Variants in INSYN2B observed in about 807,000 individuals in gnomAD.
The protein encoded by INSYN2B is protein INSYN2B.
In INSYN2B, 16 loss-of-function variants were observed where a neutral mutation model predicts 41.2. The ratio of observed to expected loss-of-function variants is 0.39; its 90% CI spans 0.26 to 0.59. The LOEUF (loss-of-function observed/expected upper bound fraction) is 0.59, where lower values mean the gene tolerates loss of function less well. Ranked by LOEUF, INSYN2B falls within the 20% of genes least tolerant of loss-of-function variation. INSYN2B has a pLI of 0.57. For missense variants in INSYN2B, 608 were observed against 646.4 expected, an observed-to-expected ratio of 0.94 and a Z score of 0.64; for synonymous variants, 245 against 244.4, an observed-to-expected ratio of 1.00 and a Z score of -0.02.
chr5:169,956,366 G>T (rs1776866568), intron 1 of INSYN2B, among the ~76,000 whole-genome samples: 1 of 152,208 alleles, frequency 6.6e-6, no homozygotes. Flanking sequence ...TAACTTAAGA[G>T]GCTGCTCCTG....
At chr5:169,911,100 T>G (rs1031925233) in intron 1 of INSYN2B, among the ~76,000 whole-genome samples, 1 of 152,202 alleles carries the variant, frequency 6.6e-6, no homozygotes, top group African/African-American at 2.4e-5. Flanking sequence ...GTGACATCAG[T>G]TCTTTTCTAG....
intron 3 of INSYN2B, among the ~76,000 whole-genome samples, chr5:169,871,957 A>G (rs1040402486): frequency 4.6e-5 from 7 of 152,220 alleles, no homozygotes; most frequent in Non-Finnish European, 8.8e-5. Context: ...TGGGTCTGGT[A>G]TAGCCTGCTG....
rs1317339055 is a variant in INSYN2B at position 169,862,650 on chromosome 5, A to T, written c.*1623T>A. 1.3e-5 allele frequency among the ~76,000 whole-genome samples: 2 copies of T among 152,264 alleles called. No individual in the cohort carries two copies. The highest frequency in any genetic ancestry group is 2.9e-5 in the Non-Finnish European group (2 of 68,048). ...TCTGTGGGCTTAAACATTACACTAG[A>T]AACAGAACAAGAACATCTTGAATGA... On this transcript the variant is annotated 3_prime_UTR_variant, in exon 4 of 4. Transcript: ENST00000377365.
chr5:169,901,401 T>G (rs1436569402), intron 1 of INSYN2B, among the ~76,000 whole-genome samples: 2 of 152,084 alleles, frequency 1.3e-5, no homozygotes, highest in African/African-American at 4.8e-5. Flanking sequence ...CAGAATGACT[T>G]CAAGAGGTTT....
chr5:169,956,243 A>C (rs527394775), intron 1 of INSYN2B, among the ~76,000 whole-genome samples: 1 of 152,220 alleles, frequency 6.6e-6, no homozygotes, highest in Admixed American at 6.5e-5. Flanking sequence ...CAAATTTCAG[A>C]TGCTTCTTTA....
intron 3 of INSYN2B, among the ~76,000 whole-genome samples, chr5:169,869,147 C>G (rs1373048494): frequency 6.6e-6 from 1 of 152,228 alleles, no homozygotes; most frequent in Admixed American, 6.5e-5. Flanking sequence ...CTCAGCTCCT[C>G]GCATCAACCT....
chr5:169,903,823 G>A (rs1260595793), intron 1 of INSYN2B, among the ~76,000 whole-genome samples: 1 of 151,992 alleles, frequency 6.6e-6, no homozygotes, highest in Non-Finnish European at 1.5e-5. Flanking sequence ...GGAGAAACTG[G>A]GCGGAGTGGC....
At chr5:169,971,888 C>T (rs1419000454) in intron 1 of INSYN2B, among the ~76,000 whole-genome samples, 1 of 152,178 alleles carries the variant, frequency 6.6e-6, no homozygotes, top group Non-Finnish European at 1.5e-5. Flanking sequence ...TTCATTTCCA[C>T]CTCTGCCACT....
intron 1 of INSYN2B, among the ~76,000 whole-genome samples, chr5:169,942,150 G>A (rs1157540274): frequency 6.6e-6 from 1 of 152,168 alleles, no homozygotes; most frequent in Non-Finnish European, 1.5e-5. Context: ...TTAAGATGTT[G>A]ACACCTGAGA....
intron 1 of INSYN2B, among the ~76,000 whole-genome samples, chr5:169,916,103 T>A (rs1010035269): frequency 2.0e-5 from 3 of 152,206 alleles, no homozygotes; most frequent in Admixed American, 2.0e-4. Context: ...TTAATGAGAA[T>A]TCAAACTAGA....
At position 169,939,998 on chromosome 5, in the gene INSYN2B, G is replaced by A. The variant is rs371843402; in HGVS notation, c.-919+40279C>T. On this transcript the variant is annotated intron_variant, in intron 1 of 3. Coordinates refer to ENST00000377365, the MANE Select transcript of INSYN2B (RefSeq NM_001129891.3). ...TATGAAGAGGCAGAGTCATCTTTCA[G>A]ATCTTACCTCCAAACCCCAACACCT... Among the ~76,000 whole-genome samples the A allele has an allele frequency of 1.6e-3, 241 of 152,312 alleles. 4 individuals carry two copies. In the South Asian group the frequency reaches 0.043, roughly 27 times the overall value.
intron 3 of INSYN2B, among the ~76,000 whole-genome samples, chr5:169,877,682 T>C (rs1054783964): frequency 6.6e-6 from 1 of 152,110 alleles, no homozygotes; most frequent in African/African-American, 2.4e-5. Flanking sequence ...TAGATTGATA[T>C]AGATATCAGA....
intron 3 of INSYN2B, among the ~76,000 whole-genome samples, chr5:169,867,284 G>T (rs1351373987): frequency 3.3e-5 from 5 of 152,166 alleles, no homozygotes; most frequent in Non-Finnish European, 5.9e-5. Context: ...GACAGGAGAA[G>T]GTCAGAGAAA....
At chr5:169,868,911 CCAGAGCTGAAT>C (rs1233267039) in intron 3 of INSYN2B, among the ~76,000 whole-genome samples, 3 of 152,122 alleles carry the variant, frequency 2.0e-5, no homozygotes, top group Non-Finnish European at 2.9e-5. Flanking sequence ...AGTGAGGGCC[CCAGAGCTGAAT>C]GCTCTTGGGT....
intron 1 of INSYN2B, among the ~76,000 whole-genome samples, chr5:169,894,709 G>A (rs1343291085): frequency 1.3e-5 from 2 of 152,184 alleles, no homozygotes; most frequent in Non-Finnish European, 2.9e-5. Flanking sequence ...AGCAGCATGT[G>A]CAACACACAG....
intron 1 of INSYN2B, 135 bp from the exon 2 acceptor site, chr5:169,884,951 T>C (rs1772880404): frequency 6.6e-6 from 1 of 152,212 alleles, no homozygotes; most frequent in Non-Finnish European, 1.5e-5. Context: ...GGCCTTTCTC[T>C]CGGTTCTCTT....
chr5:169,883,775 C>G lies in INSYN2B; in HGVS notation c.124G>C (p.Asp42His). Reference protein sequence around the residue: ...SKSQQVRFKEDGTTKNPTGLA... With the variant: ...SKSQQVRFKEHGTTKNPTGLA... ...CCAGTTGGATTCTTAGTGGTCCCAT[C>G]TTCCTTGAATCTCACCTGCTGGGAT... The change falls in exon 2 of 4, where the codon GAT (aspartate) becomes CAT (histidine). Residue 42 changes from aspartate (D) to histidine (H), a missense_variant. Coordinates refer to ENST00000377365, the MANE Select transcript of INSYN2B (RefSeq NM_001129891.3). The G allele has an allele frequency of 6.4e-7, 1 of 1,551,650 alleles. No homozygotes were observed. The highest frequency in any genetic ancestry group is 8.7e-7 in the Non-Finnish European group (1 of 1,146,950).
intron 1 of INSYN2B, among the ~76,000 whole-genome samples, chr5:169,917,361 CA>C (rs1250235321): frequency 6.6e-6 from 1 of 152,134 alleles, no homozygotes. Flanking sequence ...ACCCTGACAC[CA>C]GTAGCCCTCA....
At chr5:169,866,520 C>T (rs1034151575) in intron 3 of INSYN2B, among the ~76,000 whole-genome samples, 3 of 152,294 alleles carry the variant, frequency 2.0e-5, no homozygotes, top group South Asian at 2.1e-4. Context: ...GTCAGTCACT[C>T]GACAAACATT....
Sources: allele counts gnomAD v4.1 joint callset (sites outside exome capture counted in the v4.1 genomes callset), GRCh38; gene constraint gnomAD v4.1.1; transcripts MANE v1.5; gene names NCBI Gene and HGNC (gene_info 2026-07-23, HGNC 2026-07-21).